Variants in GPR141 observed in about 807,000 individuals in gnomAD.
GPR141 encodes the protein probable G protein-coupled receptor 141.
Under a neutral mutation model 6.8 loss-of-function variants are expected in GPR141, and 6 were observed. That is an observed-to-expected ratio of 0.88 (90% CI 0.48 to 1.74). GPR141 has a LOEUF of 1.74. Ranked by LOEUF, GPR141 falls within the 40% of genes most tolerant of loss-of-function variation. GPR141 has a pLI of 0.01. For synonymous variants in GPR141, 140 were observed against 142.3 expected (o/e 0.98, Z 0.11); for missense variants, 372 against 372.9 (o/e 1.00, Z 0.02).
intron 2 of GPR141, among the ~76,000 whole-genome samples, chr7:37,686,623 A>G (rs1175851767): frequency 6.6e-6 from 1 of 151,672 alleles, no homozygotes; most frequent in Non-Finnish European, 1.5e-5. Context: ...TATATGAGTG[A>G]ATAAGTGAAT....
chr7:37,719,686 A>T (rs1484172425), intron 2 of GPR141, among the ~76,000 whole-genome samples: 1 of 152,246 alleles, frequency 6.6e-6, no homozygotes, highest in Non-Finnish European at 1.5e-5. Flanking sequence ...TGTACAGTTC[A>T]TAGGCAGCTG....
chr7:37,736,926 A>G (rs1812269314), intron 2 of GPR141, among the ~76,000 whole-genome samples: 1 of 152,216 alleles, frequency 6.6e-6, no homozygotes, highest in Admixed American at 6.5e-5. Flanking sequence ...TGTTAATGAT[A>G]CAATACAATA....
chr7:37,716,979 A>G (rs1173934545), intron 2 of GPR141, among the ~76,000 whole-genome samples: 2 of 152,232 alleles, frequency 1.3e-5, no homozygotes, highest in African/African-American at 4.8e-5. Flanking sequence ...GAGCATTTAA[A>G]AGGGCTCAGC....
At chr7:37,705,830 C>A (rs1810499619) in intron 2 of GPR141, among the ~76,000 whole-genome samples, 1 of 152,152 alleles carries the variant, frequency 6.6e-6, no homozygotes, top group African/African-American at 2.4e-5. Context: ...TTCTATAGGG[C>A]AGCCACAGTT....
chr7:37,706,602 A>C (rs1216743384), intron 2 of GPR141, among the ~76,000 whole-genome samples: 1 of 151,848 alleles, frequency 6.6e-6, no homozygotes, highest in Non-Finnish European at 1.5e-5. Flanking sequence ...GGCAAAAATA[A>C]CTTTTAAGAG....
At chr7:37,727,537 A>G (rs1811694359) in intron 2 of GPR141, among the ~76,000 whole-genome samples, 1 of 152,136 alleles carries the variant, frequency 6.6e-6, no homozygotes, top group South Asian at 2.1e-4. Flanking sequence ...AAACCAACCC[A>G]TCTGTTAGTT....
In GPR141 at chr7:37,702,158, AT is replaced by A. The variant is rs147467030; in HGVS notation, c.-15+16580del. On this transcript the variant is annotated intron_variant, in intron 2 of 2. Coordinates refer to ENST00000334425, the MANE Select transcript of GPR141 (RefSeq NM_001381946.1). The stretch of plus-strand genomic sequence containing the variant: ...TGTCTAAATAATGGCCTTCTAAGTA[AT>A]TTTTAGACATAAAGTCTGATTTTAA... Among the ~76,000 whole-genome samples the A allele has an allele frequency of 8.5e-5, 13 of 152,262 alleles. No individual in the cohort carries two copies. The East Asian group carries it at 2.5e-3, about 29-fold the overall frequency.
chr7:37,685,178 G>A (rs1468010903), intron 1 of GPR141: 1 of 152,200 alleles, frequency 6.6e-6, no homozygotes, highest in Non-Finnish European at 1.5e-5. Flanking sequence ...TATTCTTCTA[G>A]CAATGATTTT....
At chr7:37,684,087 G>T (rs1473123470) in intron 1 of GPR141, among the ~76,000 whole-genome samples, 184 bp downstream of exon 1, 3 of 152,118 alleles carry the variant, frequency 2.0e-5, no homozygotes, top group African/African-American at 7.2e-5. Flanking sequence ...TACTGCTTAG[G>T]ATATGCTGCT....
chr7:37,715,195 A>C (rs1810988433), intron 2 of GPR141, among the ~76,000 whole-genome samples: 1 of 152,178 alleles, frequency 6.6e-6, no homozygotes, highest in Non-Finnish European at 1.5e-5. Flanking sequence ...ATCACAGCGC[A>C]CTGCAGCCTT....
chr7:37,740,865 C>A lies in GPR141; in HGVS notation c.472C>A (p.His158Asn). 6.2e-7 allele frequency: 1 copy of A among 1,614,076 alleles called. No individual in the cohort carries two copies. The highest frequency in any genetic ancestry group is 8.5e-7 in the Non-Finnish European group (1 of 1,179,932). Residue 158 changes from histidine to asparagine, a missense_variant, in exon 3 of 3, where the codon CAT becomes AAT. Physicochemically the swap from His to Asn is moderately conservative, Grantham distance 68. Coordinates refer to ENST00000334425, the MANE Select transcript of GPR141 (RefSeq NM_001381946.1). ...CCTGGTTGTCTCCCGGTATGGAATC[C>A]ATGAGGAATACAATGAGGAGCACTG... ...VPLVVSRYGI[H>N]EEYNEEHCFK...
chr7:37,710,900 C>T (rs1264032848), intron 2 of GPR141, among the ~76,000 whole-genome samples: 1 of 152,130 alleles, frequency 6.6e-6, no homozygotes, highest in Non-Finnish European at 1.5e-5. Flanking sequence ...AGTGTGATTA[C>T]TGTAACTGAT....
At chr7:37,737,325 T>C (rs1480930622) in intron 2 of GPR141, among the ~76,000 whole-genome samples, 1 of 150,352 alleles carries the variant, frequency 6.7e-6, no homozygotes, top group East Asian at 2.0e-4. Flanking sequence ...ATTTTTTAAT[T>C]GGACTGTTTA....
At chr7:37,706,395 C>CTTTAA (rs756573474) in intron 2 of GPR141, among the ~76,000 whole-genome samples, 16 of 152,176 alleles carry the variant, frequency 1.1e-4, no homozygotes, top group Non-Finnish European at 2.1e-4. Flanking sequence ...TTTTAGTGAA[C>CTTTAA]TTTAAACAGC....
At chr7:37,739,793 C>G (rs1246050258) in intron 2 of GPR141, among the ~76,000 whole-genome samples, 1 of 152,172 alleles carries the variant, frequency 6.6e-6, no homozygotes. Flanking sequence ...GCCTCACTCA[C>G]TGCTAGAAGA....
In GPR141 at chr7:37,702,817, A is replaced by ATAAT. The variant is rs199984758; in HGVS notation, c.-15+17237_-15+17238insTTAA. ...AACCCAGTTCAATTCAAAAAAAAAA[A>ATAAT]TAAATAAAATAAAAATTAAAAAAAA... On this transcript the variant is annotated intron_variant, in intron 2 of 2. Transcript: ENST00000334425. Among the ~76,000 whole-genome samples the ATAAT allele has an allele frequency of 2.1e-3, 316 of 149,410 alleles. 9 individuals carry two copies. In the East Asian group the frequency reaches 0.042, roughly 20 times the overall value.
At chr7:37,736,488 A>C (rs1812243897) in intron 2 of GPR141, among the ~76,000 whole-genome samples, 1 of 125,782 alleles carries the variant, frequency 8.0e-6, no homozygotes, top group South Asian at 2.5e-4. Flanking sequence ...AAACAGTATA[A>C]ACAGAGGAAA....
chr7:37,719,350 G>A (rs890887281), intron 2 of GPR141, among the ~76,000 whole-genome samples: 2 of 152,182 alleles, frequency 1.3e-5, no homozygotes, highest in Admixed American at 6.5e-5. Context: ...CAGACTCAGT[G>A]ATAAGTTTTT....
intron 2 of GPR141, among the ~76,000 whole-genome samples, chr7:37,733,781 A>G (rs1812102675): frequency 6.6e-6 from 1 of 152,150 alleles, no homozygotes; most frequent in African/African-American, 2.4e-5. Context: ...CCCTCAGAAA[A>G]ACAGAAGTTT....
Sources: gnomAD v4.1 joint callset for allele counts (sites outside exome capture counted in the v4.1 genomes callset) on GRCh38, gnomAD v4.1.1 for gene constraint, MANE v1.5 for transcripts, NCBI Gene and HGNC (gene_info 2026-07-23, HGNC 2026-07-21) for gene names.